The following GCC2 variants were observed in gnomAD, a reference collection of about 807,000 sequenced individuals.
GCC2 encodes GRIP and coiled-coil domain containing 2, also known as GRIP and coiled-coil domain-containing protein 2.
A neutral mutation model predicts 210.6 loss-of-function variants in GCC2; 120 were observed. The observed-to-expected ratio is 0.57, with a 90% CI of 0.49 to 0.66. GCC2 has a LOEUF of 0.66. Among genes scored for constraint, GCC2 ranks in the 30% least tolerant of loss-of-function variants. GCC2 has a pLI of 0.00. For missense variants in GCC2, 1,868 were observed against 1,871.9 expected, an observed-to-expected ratio of 1.00 and a Z score of 0.04; for synonymous variants, 703 against 652.7, an observed-to-expected ratio of 1.08 and a Z score of -1.17.
intron 5 of GCC2, 90 bp from the exon 6 acceptor site, chr2:108,469,561 C>A: frequency 1.2e-6 from 1 of 833,964 alleles, no homozygotes; most frequent in Non-Finnish European, 1.9e-6. Flanking sequence ...ACTTTTCTCT[C>A]TACTTAGCTT....
intron 4 of GCC2, among the ~76,000 whole-genome samples, chr2:108,454,130 A>G (rs1680113424): frequency 6.6e-6 from 1 of 152,100 alleles, no homozygotes; most frequent in East Asian, 1.9e-4. Context: ...AGCTGGGACT[A>G]CAGGCACCCG....
In GCC2 at chr2:108,507,981, C is replaced by G. The variant is rs1427180313; in HGVS notation, c.*351C>G. 5.8e-6 allele frequency: 1 copy of G among 173,526 alleles called. No individual in the cohort carries two copies. The highest frequency in any genetic ancestry group is 2.4e-5 in the African/African-American group (1 of 41,250). 10.7% of individuals were successfully genotyped at this position (173,526 alleles called of 1,614,324 possible). On this transcript the variant is annotated 3_prime_UTR_variant, in exon 23 of 23. Coordinates refer to ENST00000309863, the MANE Select transcript of GCC2 (RefSeq NM_181453.4). ...AGTTAAACTAAATTTTGGTACCATA[C>G]CAACTGGAATTTAGGCTTTAAAAAT...
intron 4 of GCC2, among the ~76,000 whole-genome samples, chr2:108,463,705 G>A (rs1680721712): frequency 6.6e-6 from 1 of 152,280 alleles, no homozygotes; most frequent in Non-Finnish European, 1.5e-5. Flanking sequence ...GGGAATGGCA[G>A]CAGTGGGCCA....
intron 18 of GCC2, among the ~76,000 whole-genome samples, chr2:108,492,286 T>C (rs1682442032): frequency 6.6e-6 from 1 of 152,106 alleles, no homozygotes; most frequent in Non-Finnish European, 1.5e-5. Flanking sequence ...TCCTATTTTC[T>C]GATGAACCAT....
At chr2:108,465,343 G>T (rs1680825110) in intron 4 of GCC2, among the ~76,000 whole-genome samples, 1 of 152,072 alleles carries the variant, frequency 6.6e-6, no homozygotes, top group Non-Finnish European at 1.5e-5. Context: ...TCAGAGTATT[G>T]ATTTTTTGAA....
At chr2:108,507,031 T>A (rs12473879) in intron 22 of GCC2, among the ~76,000 whole-genome samples, 56,893 of 152,018 alleles carry the variant, frequency 0.37, 12,343 homozygotes, top group East Asian at 0.89. Context: ...GAAAATTAGC[T>A]GTTAAGTTGG....
chr2:108,470,525 G>T lies in GCC2; in HGVS notation c.1196G>T (p.Cys399Phe). Residue 399 changes from cysteine to phenylalanine, a missense_variant, in exon 6 of 23, where the codon TGT becomes TTT. Cys to Phe is a radical substitution (Grantham distance 205). Around this residue, in one of 3 missense-constraint regions of GCC2, gnomAD observed 1,847 missense variants for 1,765.2 expected, o/e 1.05. Transcript: ENST00000309863. ...ELLLAKEEQGCVIEKLKSELA... is the reference protein window; with the variant it reads ...ELLLAKEEQGFVIEKLKSELA... The stretch of plus-strand genomic sequence containing the variant: ...TTACTAGCTAAAGAAGAACAGGGCT[G>T]TGTAATTGAAAAATTAAAATCTGAG... 1 of 1,606,544 alleles carries T rather than the reference G, an allele frequency of 6.2e-7. No homozygotes were observed. The highest frequency in any genetic ancestry group is 8.5e-7 in the Non-Finnish European group (1 of 1,177,420).
chr2:108,502,240 A>G (rs1447833113), intron 22 of GCC2, among the ~76,000 whole-genome samples: 1 of 152,232 alleles, frequency 6.6e-6, no homozygotes, highest in African/African-American at 2.4e-5. Flanking sequence ...TTTCAATACA[A>G]CAATGATATT....
chr2:108,484,694 T>A (rs1338364176), intron 13 of GCC2: 1 of 153,148 alleles, frequency 6.5e-6, no homozygotes, highest in Non-Finnish European at 1.4e-5. Flanking sequence ...TCCCCATTGC[T>A]TGTTTTTCTC....
chr2:108,472,046 A>G lies in GCC2; in HGVS notation c.2717A>G (p.His906Arg), dbSNP rs1681258362. The change falls in exon 6 of 23, where the codon CAT becomes CGT. Residue 906 changes from histidine to arginine, a missense_variant. His to Arg is a conservative substitution (Grantham distance 29). Coordinates refer to ENST00000309863, the MANE Select transcript of GCC2 (RefSeq NM_181453.4). ...NEKEKCFIKE[H>R]ENLKPLLEQK... ...AAAGAAAAATGTTTTATAAAGGAAC[A>G]TGAAAACCTAAAGCCACTACTAGAA... The G allele has an allele frequency of 3.1e-6, 5 of 1,591,086 alleles. No individual in the cohort carries two copies. The highest frequency in any genetic ancestry group is 1.2e-5 in the South Asian group (1 of 85,488).
intron 22 of GCC2, among the ~76,000 whole-genome samples, chr2:108,501,130 G>A (rs530929795): frequency 0.011 from 1,630 of 149,390 alleles, 33 homozygotes; most frequent in African/African-American, 0.039. Context: ...CCAGCAGCTG[G>A]GACTACAGAT....
chr2:108,486,352 GTC>G, intron 15 of GCC2, 157 bp from the exon 16 acceptor site: 1 of 717,266 alleles, frequency 1.4e-6, no homozygotes, highest in South Asian at 1.6e-5. Flanking sequence ...TGTTCTACTT[GTC>G]TCTGCTTTTT....
intron 4 of GCC2, among the ~76,000 whole-genome samples, chr2:108,460,924 T>G (rs1423456089): frequency 6.6e-6 from 1 of 152,206 alleles, no homozygotes; most frequent in Non-Finnish European, 1.5e-5. Flanking sequence ...TTCCTCCTGC[T>G]CCGACCCTGT....
rs1682023869 is a variant in GCC2 at position 108,484,375 on chromosome 2, G to A, written c.3613+64G>A. Reference sequence around the variant, plus strand: ...CATCATAACAACTTGATTTGGTGGGGGGCATTACTTGTTTATTTCACCAGT... The same window carrying A: ...CATCATAACAACTTGATTTGGTGGGAGGCATTACTTGTTTATTTCACCAGT... On this transcript the variant is annotated intron_variant, in intron 13 of 22. Coordinates refer to ENST00000309863, the MANE Select transcript of GCC2 (RefSeq NM_181453.4). 3 of 909,746 alleles carry A rather than the reference G, an allele frequency of 3.3e-6. No individual in the cohort carries two copies. The South Asian group carries it at 5.5e-5, about 17-fold the overall frequency. 56.4% of individuals were successfully genotyped at this position (909,746 alleles called of 1,614,324 possible).
chr2:108,501,887 G>T (rs1682943963), intron 22 of GCC2, among the ~76,000 whole-genome samples: 1 of 152,110 alleles, frequency 6.6e-6, no homozygotes, highest in Admixed American at 6.5e-5. Flanking sequence ...TTCTAATGAT[G>T]AAGGAGGAAT....
chr2:108,484,395 A>G, intron 13 of GCC2, 84 bp downstream of exon 13: 1 of 757,678 alleles, frequency 1.3e-6, no homozygotes, highest in Non-Finnish European at 2.1e-6. Flanking sequence ...TGTTTATTTC[A>G]CCAGTCTTTC....
chr2:108,450,147 T>G (rs150838536), intron 2 of GCC2: 1 of 153,756 alleles, frequency 6.5e-6, no homozygotes, highest in African/African-American at 2.4e-5. Flanking sequence ...GCATGCTAAA[T>G]TTCTGGCGCT....
intron 17 of GCC2, among the ~76,000 whole-genome samples, chr2:108,488,613 A>G (rs992369683): frequency 1.3e-5 from 2 of 152,148 alleles, no homozygotes; most frequent in African/African-American, 4.8e-5. Context: ...AACTTTTCTT[A>G]TTTATGACCA....
At position 108,509,050 on chromosome 2, in the gene GCC2, A is replaced by C. The variant is rs10195411; in HGVS notation, c.*1420A>C. On this transcript the variant is annotated 3_prime_UTR_variant, in exon 23 of 23. Transcript: ENST00000309863. ...TATCTCATCTTTCCTCCTGTCTTAG[A>C]AGAACAGACCTAACTAGTGAATGTA... is the stretch of plus-strand genomic sequence containing the variant. 4.2e-3 allele frequency: 641 copies of C among 152,746 alleles called. 7 individuals are homozygous for C. The highest frequency in any genetic ancestry group is 0.015 in the African/African-American group (603 of 41,576). 9.5% of individuals were successfully genotyped at this position (152,746 alleles called of 1,614,324 possible).
Sources: gnomAD v4.1 joint callset for allele counts (sites outside exome capture counted in the v4.1 genomes callset) on GRCh38, gnomAD v4.1.1 for gene constraint, gnomAD v4.1.1 regional missense constraint, MANE v1.5 for transcripts, NCBI Gene and HGNC (gene_info 2026-07-23, HGNC 2026-07-21) for gene names.